Variants in RABGAP1L observed in about 807,000 individuals in gnomAD.
RABGAP1L encodes the protein rab GTPase-activating protein 1-like.
Under a neutral mutation model 137.7 loss-of-function variants are expected in RABGAP1L, and 63 were observed. The observed-to-expected ratio is 0.46, with a 90% CI of 0.37 to 0.56. The LOEUF is 0.56. Among genes scored for constraint, RABGAP1L ranks in the 20% least tolerant of loss-of-function variants. The pLI is 0.00. For missense variants in RABGAP1L, 1,095 were observed against 1,244.0 expected (o/e 0.88, Z 1.80); for synonymous variants, 431 against 433.7 (o/e 0.99, Z 0.08).
chr1:174,201,017 T>A (rs1571515112), intron 1 of RABGAP1L, among the ~76,000 whole-genome samples: 1 of 152,238 alleles, frequency 6.6e-6, no homozygotes, highest in African/African-American at 2.4e-5. Flanking sequence ...CATGTCACTT[T>A]TCTTTCATTC....
intron 12 of RABGAP1L, among the ~76,000 whole-genome samples, chr1:174,375,067 T>C (rs1486957753): frequency 1.3e-5 from 2 of 152,116 alleles, no homozygotes; most frequent in East Asian, 3.8e-4. Flanking sequence ...TGAGAATGTT[T>C]GGGAAAGGAA....
At chr1:174,839,028 CGTGTGTGTGT>C (rs71726767) in intron 19 of RABGAP1L, among the ~76,000 whole-genome samples, 17 of 130,046 alleles carry the variant, frequency 1.3e-4, no homozygotes, top group Non-Finnish European at 2.1e-4. Flanking sequence ...AACTTTTTTA[CGTGTGTGTGT>C]GTGTGTGTGT....
chr1:174,538,057 A>G (rs1283234591), intron 13 of RABGAP1L, among the ~76,000 whole-genome samples: 4 of 152,170 alleles, frequency 2.6e-5, no homozygotes, highest in Non-Finnish European at 5.9e-5. Flanking sequence ...AATGCTCTCT[A>G]CAATCTGCCC....
intron 13 of RABGAP1L, among the ~76,000 whole-genome samples, chr1:174,460,761 A>T (rs1052925276): frequency 5.3e-5 from 8 of 152,058 alleles, no homozygotes; most frequent in Admixed American, 2.6e-4. Flanking sequence ...TTTTTTACTT[A>T]TTTCTTCCTA....
At chr1:174,577,843 TAGG>T (rs1668487953) in intron 13 of RABGAP1L, among the ~76,000 whole-genome samples, 1 of 152,230 alleles carries the variant, frequency 6.6e-6, no homozygotes, top group Non-Finnish European at 1.5e-5. Flanking sequence ...TGAATTTTAT[TAGG>T]ACCATTCCTC....
At chr1:174,488,363 C>G (rs927263905) in intron 13 of RABGAP1L, among the ~76,000 whole-genome samples, 1 of 151,792 alleles carries the variant, frequency 6.6e-6, no homozygotes. Flanking sequence ...GCCACTGTCT[C>G]CTGGCCCATA....
intron 13 of RABGAP1L, among the ~76,000 whole-genome samples, chr1:174,595,426 G>A (rs1488563728): frequency 1.9e-4 from 3 of 15,546 alleles, no homozygotes; most frequent in Admixed American, 1.6e-3. Flanking sequence ...AGGAGGAGAG[G>A]CGCTCTGCGT....
chr1:174,277,490 GA>G (rs1233273547), intron 9 of RABGAP1L, among the ~76,000 whole-genome samples: 1 of 151,294 alleles, frequency 6.6e-6, no homozygotes, highest in African/African-American at 2.4e-5. Flanking sequence ...GTCCACAAAA[GA>G]AAATTTATTT....
intron 19 of RABGAP1L, among the ~76,000 whole-genome samples, chr1:174,888,303 G>A (rs1655529616): frequency 6.6e-6 from 1 of 152,102 alleles, no homozygotes; most frequent in Non-Finnish European, 1.5e-5. Context: ...AGAGGTTCAG[G>A]AAAATAGTTT....
chr1:174,353,978 T>G (rs902986703), intron 11 of RABGAP1L, among the ~76,000 whole-genome samples: 9 of 152,236 alleles, frequency 5.9e-5, no homozygotes, highest in Non-Finnish European at 2.9e-5. Context: ...AATGGAGATA[T>G]GAATGTGGTC....
chr1:174,248,529 A>T (rs531826795), intron 5 of RABGAP1L, among the ~76,000 whole-genome samples: 3 of 152,320 alleles, frequency 2.0e-5, no homozygotes, highest in African/African-American at 7.2e-5. Context: ...TGAACTTTAG[A>T]CTGGCAGGTA....
At chr1:174,514,093 G>A (rs572844916) in intron 13 of RABGAP1L, among the ~76,000 whole-genome samples, 3 of 152,016 alleles carry the variant, frequency 2.0e-5, no homozygotes, top group African/African-American at 7.2e-5. Context: ...AATAAATCAA[G>A]AAATAGCAAT....
intron 19 of RABGAP1L, among the ~76,000 whole-genome samples, chr1:174,888,797 A>C (rs1168932750): frequency 1.3e-5 from 2 of 151,778 alleles, no homozygotes; most frequent in Non-Finnish European, 2.9e-5. Context: ...ATGCCCGGCC[A>C]GCTATTTCTG....
chr1:174,955,712 T>G (rs1383261931), intron 19 of RABGAP1L, among the ~76,000 whole-genome samples: 1 of 152,154 alleles, frequency 6.6e-6, no homozygotes, highest in Non-Finnish European at 1.5e-5. Flanking sequence ...CTTCTCAGAG[T>G]ACGCAAGAAG....
At chr1:174,847,380 C>A (rs1414478346) in intron 19 of RABGAP1L, among the ~76,000 whole-genome samples, 2 of 151,394 alleles carry the variant, frequency 1.3e-5, no homozygotes, top group Non-Finnish European at 3.0e-5. Flanking sequence ...TGTTCCTTTC[C>A]ATGTTTAGTG....
chr1:174,925,519 G>C (rs190850954), intron 19 of RABGAP1L, among the ~76,000 whole-genome samples: 77 of 152,144 alleles, frequency 5.1e-4, no homozygotes, highest in African/African-American at 1.8e-3. Context: ...AGAATAGCCG[G>C]GGAGAAAGCG....
intron 19 of RABGAP1L, among the ~76,000 whole-genome samples, chr1:174,940,701 T>G (rs1428042568): frequency 6.6e-6 from 1 of 152,252 alleles, no homozygotes; most frequent in Non-Finnish European, 1.5e-5. Flanking sequence ...CACATCATTG[T>G]GACAAGATTT....
intron 1 of RABGAP1L, among the ~76,000 whole-genome samples, chr1:174,170,315 A>G (rs1665250276): frequency 6.6e-6 from 1 of 152,208 alleles, no homozygotes; most frequent in Non-Finnish European, 1.5e-5. Context: ...CATATGAGGT[A>G]GGAACGATTA....
chr1:174,250,733 A>C, intron 6 of RABGAP1L, 101 bp downstream of exon 6: 3 of 985,500 alleles, frequency 3.0e-6, no homozygotes, highest in African/African-American at 1.7e-5. Flanking sequence ...ATAAAGCCTC[A>C]AACTGATAAA....
Sources: gnomAD v4.1 joint callset for allele counts (sites outside exome capture counted in the v4.1 genomes callset) on GRCh38, gnomAD v4.1.1 for gene constraint, MANE v1.5 for transcripts, NCBI Gene and HGNC (gene_info 2026-07-23, HGNC 2026-07-21) for gene names.